Variants in PRLR observed in about 807,000 individuals in gnomAD.
PRLR encodes the protein prolactin receptor, also known as hPRL receptor.
In PRLR, 13 loss-of-function variants were observed where a neutral mutation model predicts 40.2. That is an observed-to-expected ratio of 0.32 (90% CI 0.21 to 0.51). The LOEUF is 0.51. PRLR is among the 20% of genes least tolerant of loss of function. The pLI is 0.97. For synonymous variants in PRLR, 269 were observed against 278.7 expected (o/e 0.97, Z 0.35); for missense variants, 656 against 747.3 (o/e 0.88, Z 1.42).
intron 1 of PRLR, among the ~76,000 whole-genome samples, chr5:35,206,780 T>C (rs374037689): frequency 7.4e-4 from 113 of 152,090 alleles, no homozygotes; most frequent in African/African-American, 2.3e-3. Context: ...TCATAGTCCA[T>C]ATGGCAAAAG....
intron 1 of PRLR, among the ~76,000 whole-genome samples, chr5:35,206,552 G>A (rs1776026761): frequency 6.6e-6 from 1 of 152,052 alleles, no homozygotes; most frequent in Non-Finnish European, 1.5e-5. Flanking sequence ...AAGGTTGGAA[G>A]GAAGTAAAAA....
intron 2 of PRLR, among the ~76,000 whole-genome samples, chr5:35,113,299 A>AT (rs1772791944): frequency 1.4e-5 from 2 of 143,936 alleles, no homozygotes; most frequent in Admixed American, 7.0e-5. Context: ...CCATCCATCC[A>AT]CCCACCCATC....
chr5:35,093,951 T>C (rs951003083), intron 2 of PRLR, among the ~76,000 whole-genome samples: 3 of 152,216 alleles, frequency 2.0e-5, no homozygotes, highest in East Asian at 1.9e-4. Context: ...CCTAGGTGTG[T>C]AGTAGGCTAT....
chr5:35,098,899 C>G (rs1394424671), intron 2 of PRLR, among the ~76,000 whole-genome samples: 1 of 152,072 alleles, frequency 6.6e-6, no homozygotes, highest in Non-Finnish European at 1.5e-5. Context: ...GAAACTGAGG[C>G]CTGGAAAAAT....
intron 5 of PRLR, among the ~76,000 whole-genome samples, chr5:35,073,971 A>G (rs1481405321): frequency 6.6e-6 from 1 of 152,224 alleles, no homozygotes; most frequent in South Asian, 2.1e-4. Flanking sequence ...CCACTGTGGA[A>G]AACAGTCTGG....
At position 35,129,355 on chromosome 5, in the gene PRLR, C is replaced by A. The variant is rs190698053; in HGVS notation, c.-105-11233G>T. On this transcript the variant is annotated intron_variant, in intron 1 of 9. Coordinates refer to ENST00000618457, the MANE Select transcript of PRLR (RefSeq NM_000949.7). ...TATCCTTTGGATTGAAATCTCAATCCAGTTTCTAAATATTGAGGGAGTCTT... is the reference window on the plus strand; with the variant it reads ...TATCCTTTGGATTGAAATCTCAATCAAGTTTCTAAATATTGAGGGAGTCTT... Among the ~76,000 whole-genome samples the A allele has an allele frequency of 6.6e-5, 10 of 152,252 alleles. No homozygotes were observed. The East Asian group carries it at 1.2e-3, about 18-fold the overall frequency.
In PRLR at chr5:35,058,224, G is replaced by A. The variant is rs920821762; in HGVS notation, c.*6865C>T. On this transcript the variant is annotated 3_prime_UTR_variant, in exon 10 of 10. Coordinates refer to ENST00000618457, the MANE Select transcript of PRLR (RefSeq NM_000949.7). ...GGGGAATTTTGCTTGGCATTTTCTA[G>A]GGAAAGAGGAAAAGCAGAGGTAGTG... is the stretch of plus-strand genomic sequence containing the variant. The A allele has an allele frequency of 6.6e-6, 1 of 152,126 alleles. No individual in the cohort carries two copies. The highest frequency in any genetic ancestry group is 1.5e-5 in the Non-Finnish European group (1 of 68,014). 9.4% of individuals were successfully genotyped at this position (152,126 alleles called of 1,614,324 possible).
intron 1 of PRLR, among the ~76,000 whole-genome samples, chr5:35,162,140 G>A (rs1056558938): frequency 1.3e-5 from 2 of 152,190 alleles, no homozygotes; most frequent in Non-Finnish European, 2.9e-5. Context: ...CACAAGACCT[G>A]CCAACCCTTA....
chr5:35,162,305 T>G (rs1231860759), intron 1 of PRLR, among the ~76,000 whole-genome samples: 1 of 152,240 alleles, frequency 6.6e-6, no homozygotes, highest in Admixed American at 6.5e-5. Context: ...AAAAATATTT[T>G]ATATTCAAGA....
intron 1 of PRLR, among the ~76,000 whole-genome samples, chr5:35,229,372 C>T (rs1183459878): frequency 6.6e-6 from 1 of 152,060 alleles, no homozygotes; most frequent in Non-Finnish European, 1.5e-5. Flanking sequence ...CAAGTCCAGT[C>T]ATAGAATCCC....
intron 1 of PRLR, among the ~76,000 whole-genome samples, chr5:35,123,028 C>T (rs1773342766): frequency 6.6e-6 from 1 of 152,084 alleles, no homozygotes; most frequent in African/African-American, 2.4e-5. Context: ...TAAACACAAG[C>T]CCAGATGAGG....
chr5:35,171,870 C>G (rs1310303989), intron 1 of PRLR, among the ~76,000 whole-genome samples: 2 of 152,046 alleles, frequency 1.3e-5, no homozygotes, highest in African/African-American at 2.4e-5. Flanking sequence ...TTTAAAGAAC[C>G]TTTACTTTTT....
Position 35,065,615 on chromosome 5 carries a change from G to A in PRLR, c.1343C>T (p.Ala448Val). The change falls in exon 10 of 10, where the codon GCC becomes GTC. Residue 448 changes from alanine to valine, a missense_variant. By Grantham distance (64) the Ala-to-Val change is moderately conservative (BLOSUM62 0). Transcript: ENST00000618457. Reference protein sequence around the residue: ...ELAVGPAGAPATLLNEAGKDA... With the variant: ...ELAVGPAGAPVTLLNEAGKDA... ...TTTACCTGCTTCATTCAACAGAGTGGCCGGTGCACCTGCAGGGCCCACAGC... is the reference window on the plus strand; with the variant it reads ...TTTACCTGCTTCATTCAACAGAGTGACCGGTGCACCTGCAGGGCCCACAGC... The A allele has an allele frequency of 6.2e-7, 1 of 1,614,096 alleles. No homozygotes were observed. Among genetic ancestry groups the A allele is most frequent in the Non-Finnish European group, 8.5e-7 (1 of 1,180,016 alleles).
At chr5:35,221,082 G>T (rs1776404934) in intron 1 of PRLR, among the ~76,000 whole-genome samples, 1 of 152,066 alleles carries the variant, frequency 6.6e-6, no homozygotes, top group Non-Finnish European at 1.5e-5. Context: ...TGATTTCCAG[G>T]GTCTGAGAGG....
chr5:35,084,208 T>C (rs1770701888), intron 5 of PRLR, among the ~76,000 whole-genome samples: 1 of 152,124 alleles, frequency 6.6e-6, no homozygotes, highest in Admixed American at 6.6e-5. Flanking sequence ...AAGGGAAACA[T>C]ACATAGAACA....
At chr5:35,221,713 T>G (rs1474270325) in intron 1 of PRLR, among the ~76,000 whole-genome samples, 1 of 152,214 alleles carries the variant, frequency 6.6e-6, no homozygotes, top group Non-Finnish European at 1.5e-5. Flanking sequence ...TAAAGCTCCC[T>G]AGGTGATTCT....
At chr5:35,215,258 T>A (rs1776257949) in intron 1 of PRLR, among the ~76,000 whole-genome samples, 1 of 152,204 alleles carries the variant, frequency 6.6e-6, no homozygotes, top group South Asian at 2.1e-4. Context: ...TGCTGGTTTG[T>A]TGGTGAAGTA....
chr5:35,221,342 A>G (rs1296906130), intron 1 of PRLR, among the ~76,000 whole-genome samples: 1 of 152,242 alleles, frequency 6.6e-6, no homozygotes, highest in Non-Finnish European at 1.5e-5. Context: ...ATAATTAATT[A>G]GCAAGCTTCT....
intron 1 of PRLR, among the ~76,000 whole-genome samples, chr5:35,146,585 G>A (rs1390607558): frequency 2.0e-5 from 3 of 152,174 alleles, no homozygotes; most frequent in African/African-American, 7.2e-5. Context: ...AACTCCTTCT[G>A]AGAATAGGAA....
Sources: gnomAD v4.1 joint callset for allele counts (sites outside exome capture counted in the v4.1 genomes callset) on GRCh38, gnomAD v4.1.1 for gene constraint, MANE v1.5 for transcripts, NCBI Gene and HGNC (gene_info 2026-07-23, HGNC 2026-07-21) for gene names.